Variants in MID1 observed in about 807,000 individuals in gnomAD.
MID1 encodes midline 1.
MID1 carries 7 observed loss-of-function variants against 40.4 expected under a neutral mutation model. The observed-to-expected ratio is 0.17, with a 90% CI of 0.10 to 0.33. MID1 has a LOEUF of 0.33. MID1 is among the 10% of genes least tolerant of loss of function. MID1 has a pLI of 1.00. For missense variants in MID1, 367 were observed against 558.5 expected (o/e 0.66, Z 3.46); for synonymous variants, 229 against 221.2 (o/e 1.04, Z -0.31).
chrX:10,524,286 C>T (rs1233298749), intron 2 of MID1, among the ~76,000 whole-genome samples: 5 of 111,759 alleles, frequency 4.5e-5, no homozygotes, highest in Non-Finnish European at 9.4e-5. Context: ...CCTTCTCATT[C>T]ACATGCTCTT....
intron 2 of MID1, among the ~76,000 whole-genome samples, chrX:10,537,483 A>T (rs1218278976): frequency 8.9e-6 from 1 of 112,480 alleles, no homozygotes; most frequent in Non-Finnish European, 1.9e-5. Flanking sequence ...GTCACATGAC[A>T]TCAGACAGCT....
intron 2 of MID1, among the ~76,000 whole-genome samples, chrX:10,546,153 T>C (rs1278784972): frequency 8.9e-6 from 1 of 112,420 alleles, no homozygotes; most frequent in Admixed American, 9.4e-5. Flanking sequence ...TGAAATGTTC[T>C]AGCATTACAC....
intron 1 of MID1, among the ~76,000 whole-genome samples, chrX:10,809,567 G>T (rs2044079353): frequency 9.0e-6 from 1 of 111,557 alleles, no homozygotes; most frequent in Admixed American, 9.5e-5. Flanking sequence ...AGAAAATGTG[G>T]CACATACACA....
At chrX:10,673,304 AT>A (rs1167314936) in intron 1 of MID1, among the ~76,000 whole-genome samples, 1 of 111,474 alleles carries the variant, frequency 9.0e-6, no homozygotes, top group Non-Finnish European at 1.9e-5. Context: ...CTAGATCTTT[AT>A]ACAAGCAGAT....
In MID1 at chrX:10,684,417, T is replaced by C. The variant is rs1322822717; in HGVS notation, c.-186-63998A>G. ...TCTTTCTCTTTCTTTTCTTTTTTTT[T>C]TTTTGAAATGGAGTCTCTCTCTGTC... On this transcript the variant is annotated intron_variant, in intron 1 of 10. Transcript: ENST00000380785. Among the ~76,000 whole-genome samples the C allele has an allele frequency of 3.8e-5, 4 of 106,272 alleles. No individual in the cohort carries two copies. The East Asian group carries it at 1.2e-3, about 31-fold the overall frequency. The allele number at this position is 106,272 out of a possible 115,157, so 92.3% of individuals were successfully genotyped here.
chrX:10,450,549 A>ATAAG (rs759806414), intron 9 of MID1, among the ~76,000 whole-genome samples: 4 of 112,708 alleles, frequency 3.5e-5, no homozygotes, highest in African/African-American at 1.3e-4. Flanking sequence ...CATATTAACA[A>ATAAG]TAAGTACCAG....
chrX:10,544,585 T>C (rs1361050757), intron 2 of MID1, among the ~76,000 whole-genome samples: 1 of 112,539 alleles, frequency 8.9e-6, no homozygotes, highest in Non-Finnish European at 1.9e-5. Flanking sequence ...TTTTAATATA[T>C]AGCTCACTCT....
intron 1 of MID1, among the ~76,000 whole-genome samples, chrX:10,774,482 T>C (rs1022387919): frequency 5.5e-5 from 6 of 110,027 alleles, no homozygotes; most frequent in African/African-American, 2.0e-4. Context: ...CCTAACCCTA[T>C]GCTTGACAGA....
intron 1 of MID1, among the ~76,000 whole-genome samples, chrX:10,812,082 C>T (rs2044106276): frequency 1.8e-5 from 2 of 111,535 alleles, no homozygotes; most frequent in Middle Eastern, 4.6e-3. Flanking sequence ...TAAGAAATAT[C>T]GGAACAAAGC....
intron 1 of MID1, among the ~76,000 whole-genome samples, chrX:10,721,037 A>G (rs191686151): frequency 0.11 from 8,386 of 76,878 alleles, 707 homozygotes; most frequent in African/African-American, 0.29. Context: ...ATCACACACC[A>G]GGGCCTGTTG....
rs574221850 is a variant in MID1, at chrX:10,562,677, C to T, written c.660+4211G>A. Among the ~76,000 whole-genome samples the T allele has an allele frequency of 1.5e-3, 157 of 105,657 alleles. 5 individuals are homozygous for T. Among genetic ancestry groups the T allele is most frequent in the Middle Eastern group, 0.014 (3 of 208 alleles). The allele number at this position is 105,657 out of a possible 115,157, so 91.8% of individuals were successfully genotyped here. A position where few individuals can be genotyped will look rare whatever the true frequency, so the allele number is the denominator to read the frequency against. On this transcript the variant is annotated intron_variant, in intron 2 of 9. Transcript: ENST00000317552. ...AACCCCTTCAAGATAAGACTCTTCCCACAAAAAATATACCAAGTCCAAAGT... is the reference window on the plus strand; with the variant it reads ...AACCCCTTCAAGATAAGACTCTTCCTACAAAAAATATACCAAGTCCAAAGT...
At chrX:10,741,804 C>T (rs962615300) in intron 1 of MID1, among the ~76,000 whole-genome samples, 2 of 111,024 alleles carry the variant, frequency 1.8e-5, no homozygotes, top group Non-Finnish European at 1.9e-5. Context: ...GTAGATGCTT[C>T]GTCATTCTAA....
At chrX:10,787,373 AT>A (rs1320569050) in intron 1 of MID1, among the ~76,000 whole-genome samples, 6 of 109,170 alleles carry the variant, frequency 5.5e-5, no homozygotes, top group Admixed American at 9.8e-5. Context: ...TACTTTATAT[AT>A]TTTTTTAAAT....
chrX:10,728,598 G>C (rs957561342), intron 1 of MID1, among the ~76,000 whole-genome samples: 1 of 111,970 alleles, frequency 8.9e-6, no homozygotes, highest in Admixed American at 9.5e-5. Flanking sequence ...CCATTAACAA[G>C]AGGAGCAGGA....
chrX:10,754,384 G>A (rs1204212400), intron 1 of MID1, among the ~76,000 whole-genome samples: 1 of 109,443 alleles, frequency 9.1e-6, no homozygotes, highest in African/African-American at 3.4e-5. Flanking sequence ...AAAACGTACA[G>A]AATACCTTCA....
chrX:10,453,057 T>C (rs1928442564), intron 9 of MID1, among the ~76,000 whole-genome samples: 1 of 112,093 alleles, frequency 8.9e-6, no homozygotes, highest in Non-Finnish European at 1.9e-5. Context: ...CCACTGCAGC[T>C]AAAAATTGCA....
intron 2 of MID1, among the ~76,000 whole-genome samples, chrX:10,535,869 C>A (rs1933227543): frequency 9.0e-6 from 1 of 111,487 alleles, no homozygotes; most frequent in Non-Finnish European, 1.9e-5. Flanking sequence ...TGCCCTGAAG[C>A]CTTGTGTAGT....
chrX:10,679,819 A>G (rs914358470), intron 1 of MID1, among the ~76,000 whole-genome samples: 56 of 112,104 alleles, frequency 5.0e-4, no homozygotes, highest in African/African-American at 1.7e-3. Context: ...CTTCACCTAC[A>G]AAGTGATGAA....
intron 1 of MID1, among the ~76,000 whole-genome samples, chrX:10,748,719 A>G (rs914007319): frequency 1.8e-5 from 2 of 112,142 alleles, no homozygotes; most frequent in Non-Finnish European, 3.8e-5. Context: ...ATGCGATGTC[A>G]TCCCAAAGAA....
Sources: gnomAD v4.1 joint callset for allele counts (sites outside exome capture counted in the v4.1 genomes callset) on GRCh38, gnomAD v4.1.1 for gene constraint, MANE v1.5 for transcripts, NCBI Gene and HGNC (gene_info 2026-07-23, HGNC 2026-07-21) for gene names.